The following TMIGD3 variants were observed in gnomAD, a reference collection of about 807,000 sequenced individuals.
The protein encoded by TMIGD3 is AD026 protein (AD026).
A neutral mutation model predicts 28.1 loss-of-function variants in TMIGD3; 21 were observed. That is an observed-to-expected ratio of 0.75 (90% CI 0.53 to 1.08). The LOEUF is 1.08. Among genes scored for constraint, TMIGD3 ranks in the 50% least tolerant of loss-of-function variants. TMIGD3 has a pLI of 0.00. For missense variants in TMIGD3, 416 were observed against 435.6 expected, an observed-to-expected ratio of 0.96 and a Z score of 0.40; for synonymous variants, 151 against 162.1, an observed-to-expected ratio of 0.93 and a Z score of 0.52.
At chr1:111,500,337 C>T in intron 1 of TMIGD3, 2 of 1,614,176 alleles carry the variant, frequency 1.2e-6, no homozygotes, top group Non-Finnish European at 1.7e-6. Context: ...ACATGACAAC[C>T]AGGGGGATGA....
At chr1:111,509,399 C>A (rs1361742326) in intron 1 of TMIGD3, among the ~76,000 whole-genome samples, 2 of 152,226 alleles carry the variant, frequency 1.3e-5, no homozygotes, top group Admixed American at 1.3e-4. Flanking sequence ...TCCTAGGCTT[C>A]TGGGTGCTCA....
In TMIGD3 at chr1:111,485,809, T is replaced by G; in HGVS notation, c.904A>C (p.Thr302Pro). ...ATTACAGAGATGATTCCCAAACCCG[T>G]GATCAGTATGCAAATGATGAGAATG... ...TSILIICILI[T>P]GLGIISVISH... The change falls in exon 5 of 6, where the codon ACG becomes CCG. Residue 302 changes from threonine (T) to proline (P), a missense_variant. By Grantham distance (38) the Thr-to-Pro change is conservative (BLOSUM62 -1). Transcript: ENST00000369716. 6.3e-7 allele frequency: 1 copy of G among 1,599,390 alleles called. No homozygotes were observed. Among genetic ancestry groups the G allele is most frequent in the Non-Finnish European group, 8.5e-7 (1 of 1,170,830 alleles).
At chr1:111,530,891 A>G (rs746839511) in intron 1 of TMIGD3, among the ~76,000 whole-genome samples, 15 of 152,198 alleles carry the variant, frequency 9.9e-5, no homozygotes, top group Non-Finnish European at 2.1e-4. Context: ...GAAATTCCTC[A>G]ACCATTACTT....
intron 2 of TMIGD3, among the ~76,000 whole-genome samples, chr1:111,490,030 AC>A (rs1557816644): frequency 6.6e-6 from 1 of 152,044 alleles, no homozygotes; most frequent in African/African-American, 2.4e-5. Flanking sequence ...TTTCGTAACA[AC>A]CCCACAAGGA....
At chr1:111,488,553 G>A (rs912345698) in intron 3 of TMIGD3, 124 bp downstream of exon 3, 2 of 815,258 alleles carry the variant, frequency 2.5e-6, no homozygotes, top group East Asian at 2.6e-5. Flanking sequence ...AGAGAGGCCA[G>A]GCAGGCCCAA....
At chr1:111,499,866 C>T in intron 1 of TMIGD3, 2 of 1,549,490 alleles carry the variant, frequency 1.3e-6, no homozygotes, top group Admixed American at 3.9e-5. Flanking sequence ...TGTAAAAATC[C>T]CTTGGCCCAG....
intron 1 of TMIGD3, among the ~76,000 whole-genome samples, chr1:111,533,546 C>T (rs777574069): frequency 7.9e-5 from 12 of 152,024 alleles, no homozygotes; most frequent in African/African-American, 2.4e-4. Flanking sequence ...ACATTACTTA[C>T]GGTAGAGCTT....
Position 111,527,079 on chromosome 1 carries a change from C to T in TMIGD3, c.108-36317G>A, listed in dbSNP as rs367656744. Among the ~76,000 whole-genome samples, 65 of 123,506 alleles carry T rather than the reference C, an allele frequency of 5.3e-4. 2 individuals carry two copies. The East Asian group carries it at 0.011, about 20-fold the overall frequency. 81.0% of individuals were successfully genotyped at this position (123,506 alleles called of 152,430 possible). ...AGGCTAGAGTGCAGTGGTGTGATCTCGGCTTATTGCAACCTCTGCCTCCTG... is the reference window on the plus strand; with the variant it reads ...AGGCTAGAGTGCAGTGGTGTGATCTTGGCTTATTGCAACCTCTGCCTCCTG... On this transcript the variant is annotated intron_variant, in intron 1 of 5. Coordinates refer to the TMIGD3 transcript ENST00000369717.
chr1:111,532,572 T>TCGAGGC (rs1369051957), intron 1 of TMIGD3, among the ~76,000 whole-genome samples: 3 of 152,166 alleles, frequency 2.0e-5, no homozygotes, highest in African/African-American at 7.2e-5. Flanking sequence ...GGAGAATCGC[T>TCGAGGC]TGAGGCCAGG....
intron 1 of TMIGD3, among the ~76,000 whole-genome samples, chr1:111,549,130 T>A (rs1365100197): frequency 6.6e-6 from 1 of 152,230 alleles, no homozygotes; most frequent in Non-Finnish European, 1.5e-5. Context: ...GATATTGGTC[T>A]GTTATTTTCT....
chr1:111,493,571 C>T (rs988040499), intron 1 of TMIGD3, among the ~76,000 whole-genome samples: 5 of 152,194 alleles, frequency 3.3e-5, no homozygotes, highest in Non-Finnish European at 1.5e-5. Context: ...TACCTGCCCT[C>T]AGGTATTCTC....
intron 1 of TMIGD3, among the ~76,000 whole-genome samples, chr1:111,532,573 T>C (rs902766199): frequency 2.0e-5 from 3 of 152,188 alleles, no homozygotes; most frequent in African/African-American, 7.2e-5. Context: ...GAGAATCGCT[T>C]GAGGCCAGGA....
chr1:111,510,839 A>G (rs1306499426), intron 1 of TMIGD3, among the ~76,000 whole-genome samples: 2 of 152,134 alleles, frequency 1.3e-5, no homozygotes, highest in Non-Finnish European at 2.9e-5. Flanking sequence ...TTTGGGGGTG[A>G]GGATTTTTTT....
intron 1 of TMIGD3, among the ~76,000 whole-genome samples, chr1:111,528,429 G>A (rs1166219929): frequency 1.3e-5 from 2 of 152,134 alleles, no homozygotes; most frequent in Admixed American, 1.3e-4. Flanking sequence ...TTTATAGTGA[G>A]TCTTGAAGTC....
At chr1:111,495,913 CA>C (rs1284834730) in intron 1 of TMIGD3, among the ~76,000 whole-genome samples, 1 of 152,090 alleles carries the variant, frequency 6.6e-6, no homozygotes, top group African/African-American at 2.4e-5. Context: ...AACAAAAAAA[CA>C]AATATTGCAT....
intron 1 of TMIGD3, among the ~76,000 whole-genome samples, chr1:111,550,167 G>T (rs1165266427): frequency 2.6e-5 from 4 of 152,114 alleles, no homozygotes; most frequent in African/African-American, 9.7e-5. Context: ...AAGATTGATA[G>T]TAAGGTGCCT....
Position 111,483,555 on chromosome 1 carries a change from A to G in TMIGD3, c.*132T>C. The G allele has an allele frequency of 1.3e-6, 1 of 798,234 alleles. No homozygotes were observed. The highest frequency in any genetic ancestry group is 2.1e-6 in the Non-Finnish European group (1 of 472,350). 49.4% of individuals were successfully genotyped at this position (798,234 alleles called of 1,614,324 possible). ...CGCCGTTGCTACCTGGCTGCAAATGATTGTTGTCAAGGATAGAGGGTCCTT... is the reference window on the plus strand; with the variant it reads ...CGCCGTTGCTACCTGGCTGCAAATGGTTGTTGTCAAGGATAGAGGGTCCTT... On this transcript the variant is annotated 3_prime_UTR_variant, in exon 6 of 6. Coordinates refer to ENST00000369716, the MANE Select transcript of TMIGD3 (RefSeq NM_020683.7).
intron 1 of TMIGD3, among the ~76,000 whole-genome samples, chr1:111,517,825 T>C (rs1655917539): frequency 1.3e-5 from 2 of 152,178 alleles, no homozygotes; most frequent in Non-Finnish European, 2.9e-5. Flanking sequence ...TTTGGTGTGT[T>C]CCCCTTCATA....
chr1:111,506,982 C>CAT (rs1277820038), upstream of TMIGD3, among the ~76,000 whole-genome samples: 4 of 140,862 alleles, frequency 2.8e-5, no homozygotes, highest in South Asian at 8.9e-4. Flanking sequence ...CACACATATA[C>CAT]ATATATATAC....
Sources: allele counts gnomAD v4.1 joint callset (sites outside exome capture counted in the v4.1 genomes callset), GRCh38; gene constraint gnomAD v4.1.1; transcripts MANE v1.5; gene names NCBI Gene and HGNC (gene_info 2026-07-23, HGNC 2026-07-21).